Variants in CDK8 observed in about 807,000 individuals in gnomAD.
CDK8 encodes the protein cyclin-dependent kinase 8.
In CDK8, 29 loss-of-function variants were observed where a neutral mutation model predicts 71.5. The ratio of observed to expected loss-of-function variants is 0.41; its 90% CI spans 0.30 to 0.55. The LOEUF (loss-of-function observed/expected upper bound fraction) is 0.55. CDK8 is among the 20% of genes least tolerant of loss of function. The pLI, the probability that CDK8 is intolerant of heterozygous loss-of-function variation, is 0.37. For synonymous variants in CDK8, 161 were observed against 192.1 expected (o/e 0.84, Z 1.34); for missense variants, 288 against 572.6 (o/e 0.50, Z 5.07).
chr13:26,370,184 A>C (rs1874599302), intron 4 of CDK8, among the ~76,000 whole-genome samples: 1 of 152,234 alleles, frequency 6.6e-6, no homozygotes, highest in Non-Finnish European at 1.5e-5. Flanking sequence ...CATAACACTG[A>C]CATAGAACCT....
Position 26,404,463 on chromosome 13 carries a change from C to A in CDK8, c.*382C>A, listed in dbSNP as rs1175385651. The A allele has an allele frequency of 3.4e-5, 9 of 262,552 alleles. No homozygotes were observed. The South Asian group carries it at 3.6e-4, about 11-fold the overall frequency. 16.3% of individuals were successfully genotyped at this position (262,552 alleles called of 1,614,324 possible). On this transcript the variant is annotated 3_prime_UTR_variant, in exon 13 of 13. Transcript: ENST00000381527. ...TTTTCAGTGTAACAACATTATCTGACCAATAGTACACACACAGACACAAAG... is the reference window on the plus strand; with the variant it reads ...TTTTCAGTGTAACAACATTATCTGAACAATAGTACACACACAGACACAAAG...
intron 1 of CDK8, among the ~76,000 whole-genome samples, chr13:26,267,817 T>A (rs1006887193): frequency 6.6e-6 from 1 of 152,170 alleles, no homozygotes; most frequent in East Asian, 1.9e-4. Context: ...CTTCCCAGGC[T>A]CCCAAAGTTC....
chr13:26,328,226 T>C (rs190383110), intron 1 of CDK8, among the ~76,000 whole-genome samples: 45 of 152,154 alleles, frequency 3.0e-4, no homozygotes, highest in African/African-American at 1.1e-3. Context: ...TTATCACATA[T>C]TTAAGATAAT....
At chr13:26,324,752 A>C (rs1874946072) in intron 1 of CDK8, 1 of 560,764 alleles carries the variant, frequency 1.8e-6, no homozygotes, top group Non-Finnish European at 2.3e-6. Context: ...CAATAAGTTT[A>C]AATTTTTTTT....
intron 1 of CDK8, among the ~76,000 whole-genome samples, chr13:26,259,905 G>A (rs1207483969): frequency 6.6e-6 from 1 of 152,164 alleles, no homozygotes; most frequent in Non-Finnish European, 1.5e-5. Flanking sequence ...AAACAAACAT[G>A]TAAATGTTGC....
intron 1 of CDK8, among the ~76,000 whole-genome samples, chr13:26,279,873 A>G (rs1254456066): frequency 6.6e-6 from 1 of 152,176 alleles, no homozygotes; most frequent in African/African-American, 2.4e-5. Context: ...TTCAGAATGA[A>G]GTGGCATGAT....
At chr13:26,264,027 G>A (rs993987408) in intron 1 of CDK8, among the ~76,000 whole-genome samples, 4 of 152,174 alleles carry the variant, frequency 2.6e-5, no homozygotes, top group African/African-American at 7.2e-5. Flanking sequence ...GATTACTGGC[G>A]TGAGCCACCG....
chr13:26,269,799 A>G (rs1278856051), intron 1 of CDK8, among the ~76,000 whole-genome samples: 2 of 152,110 alleles, frequency 1.3e-5, no homozygotes, highest in Non-Finnish European at 2.9e-5. Context: ...TTCTTAGTAA[A>G]ATTCTGTACT....
chr13:26,366,275 C>T (rs1178223890), intron 4 of CDK8, among the ~76,000 whole-genome samples: 1 of 152,028 alleles, frequency 6.6e-6, no homozygotes, highest in Non-Finnish European at 1.5e-5. Context: ...AGTCTTCCTA[C>T]AGAAACAAGC....
At chr13:26,386,909 T>C (rs1230773074) in intron 6 of CDK8, among the ~76,000 whole-genome samples, 1 of 152,208 alleles carries the variant, frequency 6.6e-6, no homozygotes, top group Non-Finnish European at 1.5e-5. Flanking sequence ...AGTGATATGC[T>C]GACCACTTGG....
chr13:26,345,441 G>A (rs537013857), intron 2 of CDK8, among the ~76,000 whole-genome samples: 71 of 152,198 alleles, frequency 4.7e-4, no homozygotes, highest in Non-Finnish European at 8.8e-4. Flanking sequence ...GAGTGCCTTG[G>A]TGTGATCTCA....
At chr13:26,395,649 G>A (rs565749348) in intron 7 of CDK8, among the ~76,000 whole-genome samples, 2 of 152,136 alleles carry the variant, frequency 1.3e-5, no homozygotes, top group Non-Finnish European at 2.9e-5. Flanking sequence ...TAGCTGAAAC[G>A]TTTTGTACTT....
At chr13:26,322,109 T>C (rs1874803700) in intron 1 of CDK8, among the ~76,000 whole-genome samples, 1 of 152,130 alleles carries the variant, frequency 6.6e-6, no homozygotes, top group South Asian at 2.1e-4. Flanking sequence ...TACAGAGAAA[T>C]GGGCCTTTTG....
At chr13:26,311,700 C>T (rs1385721792) in intron 1 of CDK8, among the ~76,000 whole-genome samples, 1 of 152,076 alleles carries the variant, frequency 6.6e-6, no homozygotes, top group Admixed American at 6.6e-5. Context: ...TCCCTCTCTT[C>T]CTCACCCTCC....
chr13:26,312,410 C>G (rs1231211348), intron 1 of CDK8, among the ~76,000 whole-genome samples: 1 of 152,174 alleles, frequency 6.6e-6, no homozygotes, highest in African/African-American at 2.4e-5. Flanking sequence ...AGCTGTAACA[C>G]TCACCGTGAG....
At chr13:26,280,788 A>G (rs1872715722) in intron 1 of CDK8, among the ~76,000 whole-genome samples, 2 of 152,182 alleles carry the variant, frequency 1.3e-5, no homozygotes, top group South Asian at 2.1e-4. Context: ...GCCTTCTGGC[A>G]TGATTGTTCA....
intron 4 of CDK8, among the ~76,000 whole-genome samples, chr13:26,380,735 C>T (rs913550377): frequency 2.0e-5 from 3 of 152,214 alleles, no homozygotes; most frequent in African/African-American, 7.2e-5. Context: ...GCTGCCTCAT[C>T]CTCCCAAAGT....
At chr13:26,385,094 C>T (rs2138049425) in intron 5 of CDK8, 117 bp from the exon 6 acceptor site, 1 of 794,296 alleles carries the variant, frequency 1.3e-6, no homozygotes, top group South Asian at 2.0e-5. Context: ...TTGTGGGTTT[C>T]TTCCCCTAGA....
intron 1 of CDK8, among the ~76,000 whole-genome samples, chr13:26,318,654 A>G (rs1323920782): frequency 1.3e-5 from 2 of 152,230 alleles, no homozygotes; most frequent in Non-Finnish European, 2.9e-5. Flanking sequence ...GCGTGGTTCA[A>G]CATGTGAAAA....
Sources: gnomAD v4.1 joint callset for allele counts (sites outside exome capture counted in the v4.1 genomes callset) on GRCh38, gnomAD v4.1.1 for gene constraint, MANE v1.5 for transcripts, NCBI Gene and HGNC (gene_info 2026-07-23, HGNC 2026-07-21) for gene names.